PCLO: variants seen among roughly 807,000 people sequenced by gnomAD.
PCLO encodes piccolo presynaptic cytomatrix protein.
PCLO carries 82 observed loss-of-function variants against 427.5 expected under a neutral mutation model. The observed-to-expected ratio is 0.19, with a 90% CI of 0.16 to 0.23. PCLO has a LOEUF of 0.23. Among genes scored for constraint, PCLO ranks in the 10% least tolerant of loss-of-function variants. The pLI, the probability that PCLO is intolerant of heterozygous loss-of-function variation, is 1.00. For missense variants in PCLO, 6,239 were observed against 6,115.9 expected, an observed-to-expected ratio of 1.02 and a Z score of -0.67; for synonymous variants, 2,357 against 2,155.4, an observed-to-expected ratio of 1.09 and a Z score of -2.59.
At chr7:83,140,197 G>A (rs1009911987) in intron 2 of PCLO, among the ~76,000 whole-genome samples, 4 of 152,086 alleles carry the variant, frequency 2.6e-5, no homozygotes, top group South Asian at 2.1e-4. Flanking sequence ...GATTTATTCT[G>A]AAGTGGGTCT....
At chr7:83,024,747 A>C (rs537561842) in intron 3 of PCLO, among the ~76,000 whole-genome samples, 21 of 152,158 alleles carry the variant, frequency 1.4e-4, no homozygotes, top group Middle Eastern at 3.4e-3. Flanking sequence ...CCCAGTACGC[A>C]GCTGGAGATC....
chr7:83,148,881 A>G (rs1792060611), intron 2 of PCLO, among the ~76,000 whole-genome samples: 2 of 152,148 alleles, frequency 1.3e-5, no homozygotes, highest in Admixed American at 1.3e-4. Context: ...TTTGTTCTCT[A>G]CTTCGAATGA....
chr7:83,019,346 A>G (rs12707535), intron 3 of PCLO, among the ~76,000 whole-genome samples: 15,185 of 151,940 alleles, frequency 0.1, 1,020 homozygotes, highest in Non-Finnish European at 0.14. Flanking sequence ...TTTTAAACCT[A>G]TCTAGGCAAA....
chr7:83,062,384 T>C (rs1454908597), intron 3 of PCLO, among the ~76,000 whole-genome samples: 1 of 152,190 alleles, frequency 6.6e-6, no homozygotes, highest in East Asian at 1.9e-4. Flanking sequence ...AAGCCCATAA[T>C]AAAAGGGAAG....
At chr7:82,828,319 G>C (rs143160652) in intron 16 of PCLO, among the ~76,000 whole-genome samples, 228 of 152,032 alleles carry the variant, frequency 1.5e-3, no homozygotes, top group African/African-American at 5.2e-3. Flanking sequence ...CAATAATTTG[G>C]TGTTTAACCT....
chr7:82,841,416 CAA>C, intron 14 of PCLO, 41 bp downstream of exon 14: 1 of 1,275,078 alleles, frequency 7.8e-7, no homozygotes, highest in Non-Finnish European at 1.1e-6. Context: ...GCAAAACAAC[CAA>C]AAAAGGTTAT....
intron 22 of PCLO, among the ~76,000 whole-genome samples, chr7:82,775,138 C>T (rs62466900): frequency 0.016 from 2,486 of 152,240 alleles, 31 homozygotes; most frequent in Middle Eastern, 0.034. Context: ...CATTCATCTA[C>T]GGAAGGACTT....
intron 3 of PCLO, among the ~76,000 whole-genome samples, chr7:83,099,062 A>G (rs6467929): frequency 0.46 from 69,514 of 151,454 alleles, 16,372 homozygotes; most frequent in East Asian, 0.71. Flanking sequence ...GATAACTTGA[A>G]TAGCTTACAA....
chr7:82,956,222 G>T lies in PCLO; in HGVS notation c.4731C>A (p.Phe1577Leu). 6.2e-7 allele frequency: 1 copy of T among 1,610,710 alleles called. No homozygotes were observed. The highest frequency in any genetic ancestry group is 8.5e-7 in the Non-Finnish European group (1 of 1,179,816). ...TAATCTCTTTGAGCTGGTTTCTGAT[G>T]AACTCATCATCTTCAGAACCTGAAG... The part of the protein sequence containing the change: ...EDASGSEDDE[F>L]IRNQLKEISS... Residue 1577 changes from phenylalanine (F) to leucine (L), a missense_variant, in exon 5 of 25, where the codon TTC (phenylalanine) becomes TTA (leucine). Physicochemically the swap from Phe to Leu is conservative, Grantham distance 22. Around this residue, in one of 5 missense-constraint regions of PCLO, gnomAD observed 4,677 missense variants for 4,468.4 expected, o/e 1.05. Coordinates refer to ENST00000333891, the MANE Select transcript of PCLO (RefSeq NM_033026.6).
intron 22 of PCLO, among the ~76,000 whole-genome samples, chr7:82,765,425 A>G (rs1368261899): frequency 6.7e-6 from 1 of 149,292 alleles, no homozygotes; most frequent in Non-Finnish European, 1.5e-5. Flanking sequence ...AGTAGGGAAC[A>G]GAAAAAAAGT....
At chr7:82,902,109 A>G (rs956059418) in intron 9 of PCLO, among the ~76,000 whole-genome samples, 47 of 152,058 alleles carry the variant, frequency 3.1e-4, no homozygotes, top group Non-Finnish European at 4.9e-4. Context: ...TCATGCTGCT[A>G]TAAAGACACA....
chr7:83,121,961 T>A (rs1791292160), intron 3 of PCLO, among the ~76,000 whole-genome samples: 1 of 152,188 alleles, frequency 6.6e-6, no homozygotes. Context: ...TCATCCATCA[T>A]GACCAAGTGA....
chr7:83,025,114 G>C (rs1462777212), intron 3 of PCLO, among the ~76,000 whole-genome samples: 1 of 152,194 alleles, frequency 6.6e-6, no homozygotes, highest in Non-Finnish European at 1.5e-5. Flanking sequence ...GAACGACTTT[G>C]ACGAGCTGAG....
intron 3 of PCLO, among the ~76,000 whole-genome samples, chr7:83,076,112 T>A (rs908795290): frequency 2.0e-5 from 2 of 99,728 alleles, no homozygotes; most frequent in African/African-American, 9.9e-5. Flanking sequence ...TACACACCAG[T>A]TTCTTGGATT....
At chr7:83,079,110 C>G (rs1427590410) in intron 3 of PCLO, among the ~76,000 whole-genome samples, 3 of 151,952 alleles carry the variant, frequency 2.0e-5, no homozygotes, top group Non-Finnish European at 2.9e-5. Context: ...CATAATTTTG[C>G]TATCAGAGCC....
intron 18 of PCLO, among the ~76,000 whole-genome samples, chr7:82,825,183 T>C (rs1315034835): frequency 6.6e-6 from 1 of 152,144 alleles, no homozygotes; most frequent in Admixed American, 6.6e-5. Flanking sequence ...ACTTTTTTTT[T>C]CTTAGTACAT....
chr7:82,799,028 G>T (rs1386743006), intron 22 of PCLO, among the ~76,000 whole-genome samples: 1 of 152,136 alleles, frequency 6.6e-6, no homozygotes, highest in African/African-American at 2.4e-5. Flanking sequence ...AGCAAGTTTT[G>T]TGTGGGACTG....
At chr7:82,772,568 T>C (rs1458037943) in intron 22 of PCLO, among the ~76,000 whole-genome samples, 1 of 152,142 alleles carries the variant, frequency 6.6e-6, no homozygotes, top group Non-Finnish European at 1.5e-5. Context: ...TTTTATACAA[T>C]AAGGCAGGCA....
At chr7:82,822,367 A>G (rs981733840) in intron 20 of PCLO, 128 bp downstream of exon 20, 3 of 1,574,300 alleles carry the variant, frequency 1.9e-6, no homozygotes, top group Non-Finnish European at 2.6e-6. Flanking sequence ...TTACACAGAC[A>G]AAGGGACAGA....
Sources: allele counts gnomAD v4.1 joint callset (sites outside exome capture counted in the v4.1 genomes callset), GRCh38; gene constraint gnomAD v4.1.1; regional missense constraint gnomAD v4.1.1; transcripts MANE v1.5; gene names NCBI Gene and HGNC (gene_info 2026-07-23, HGNC 2026-07-21).